The following MMP26 variants were observed in gnomAD, a reference collection of about 807,000 sequenced individuals.
MMP26 encodes the protein matrix metallopeptidase 26.
A neutral mutation model predicts 31.0 loss-of-function variants in MMP26; 33 were observed. That is an observed-to-expected ratio of 1.06 (90% CI 0.81 to 1.42). The LOEUF (loss-of-function observed/expected upper bound fraction) is 1.42, where lower values mean the gene tolerates loss of function less well. Among genes scored for constraint, MMP26 ranks in the 40% most tolerant of loss-of-function variants. The pLI, the probability that MMP26 is intolerant of heterozygous loss-of-function variation, is 0.00. For missense variants in MMP26, 347 were observed against 316.1 expected, an observed-to-expected ratio of 1.10 and a Z score of -0.74; for synonymous variants, 122 against 114.9, an observed-to-expected ratio of 1.06 and a Z score of -0.40.
intron 2 of MMP26, among the ~76,000 whole-genome samples, chr11:4,976,570 A>G (rs553826507): frequency 1.3e-5 from 2 of 152,122 alleles, no homozygotes; most frequent in South Asian, 2.1e-4. Flanking sequence ...AATCCCGGCT[A>G]TTAGGCCCAT....
At chr11:4,890,267 T>G (rs1410199507) in intron 2 of MMP26, 1 of 153,840 alleles carries the variant, frequency 6.5e-6, no homozygotes, top group African/African-American at 2.4e-5. Context: ...ACTCCATATC[T>G]GTGAATCCAT....
At chr11:4,908,405 A>C in intron 2 of MMP26, 1 of 1,016,862 alleles carries the variant, frequency 9.8e-7, no homozygotes, top group Non-Finnish European at 1.5e-6. Context: ...GAAGGACTGG[A>C]TGATGGAAGT....
At chr11:4,953,743 T>C (rs1263959263) in intron 2 of MMP26, among the ~76,000 whole-genome samples, 2 of 125,170 alleles carry the variant, frequency 1.6e-5, no homozygotes, top group Non-Finnish European at 1.8e-5. Context: ...CCAGCTCATG[T>C]AGGGTCTCGG....
At chr11:4,827,073 G>T (rs955077425) in intron 2 of MMP26, among the ~76,000 whole-genome samples, 1 of 152,098 alleles carries the variant, frequency 6.6e-6, no homozygotes, top group Non-Finnish European at 1.5e-5. Flanking sequence ...CATGGCACGC[G>T]CCTAGGTTGA....
intron 2 of MMP26, among the ~76,000 whole-genome samples, chr11:4,811,913 C>A (rs1257527824): frequency 1.3e-5 from 2 of 152,106 alleles, no homozygotes; most frequent in African/African-American, 4.8e-5. Context: ...CCCAGAGGCC[C>A]CTCATCATTT....
chr11:4,876,381 C>T (rs1404417531), intron 2 of MMP26: 1 of 152,178 alleles, frequency 6.6e-6, no homozygotes, highest in Non-Finnish European at 1.5e-5. Context: ...ATTCTCGCTT[C>T]ATGAAGCAGG....
intron 2 of MMP26, among the ~76,000 whole-genome samples, chr11:4,798,503 C>T (rs753562192): frequency 1.3e-5 from 2 of 152,342 alleles, no homozygotes; most frequent in Non-Finnish European, 1.5e-5. Flanking sequence ...TCTTTACTGA[C>T]ATGCCTCTAC....
At chr11:4,777,322 A>C (rs1248858988) in intron 2 of MMP26, among the ~76,000 whole-genome samples, 1 of 152,312 alleles carries the variant, frequency 6.6e-6, no homozygotes, top group South Asian at 2.1e-4. Context: ...ATAGATAATG[A>C]GTATCAGAGG....
chr11:4,730,490 T>C (rs1022981003), intron 1 of MMP26, among the ~76,000 whole-genome samples: 1 of 151,786 alleles, frequency 6.6e-6, no homozygotes, highest in Non-Finnish European at 1.5e-5. Context: ...GGAGCCCTAT[T>C]TGCTGCTGCT....
At chr11:4,823,262 A>G (rs4910688) in intron 2 of MMP26, among the ~76,000 whole-genome samples, 15,816 of 152,196 alleles carry the variant, frequency 0.1, 1,019 homozygotes, top group Middle Eastern at 0.17. Flanking sequence ...GTGTGCTTCA[A>G]TAGCACATCA....
intron 2 of MMP26, chr11:4,822,475 A>C: frequency 8.7e-7 from 1 of 1,148,962 alleles, no homozygotes; most frequent in Non-Finnish European, 1.1e-6. Flanking sequence ...AACAGTCCAA[A>C]CTAAGCAATT....
intron 1 of MMP26, chr11:4,709,658 C>T (rs1847831686): frequency 4.4e-6 from 2 of 457,506 alleles, no homozygotes; most frequent in Admixed American, 4.7e-5. Flanking sequence ...TCTGGACCTC[C>T]ATCCCATTCT....
chr11:4,742,440 G>A (rs529416457), intron 1 of MMP26, among the ~76,000 whole-genome samples: 6 of 152,258 alleles, frequency 3.9e-5, no homozygotes, highest in African/African-American at 1.4e-4. Context: ...TGGGCATGAG[G>A]GGAGGGGTAT....
At chr11:4,881,608 C>G (rs1850463786) in intron 2 of MMP26, among the ~76,000 whole-genome samples, 1 of 152,016 alleles carries the variant, frequency 6.6e-6, no homozygotes, top group African/African-American at 2.4e-5. Flanking sequence ...TTACAACATT[C>G]AGCTATCCAA....
intron 2 of MMP26, among the ~76,000 whole-genome samples, chr11:4,904,954 T>A (rs965758786): frequency 5.9e-5 from 9 of 152,068 alleles, no homozygotes; most frequent in African/African-American, 2.2e-4. Flanking sequence ...TGGAGTTTGG[T>A]AGGGTAGGGT....
chr11:4,931,929 G>T (rs1375706411), intron 2 of MMP26, among the ~76,000 whole-genome samples: 1 of 152,004 alleles, frequency 6.6e-6, no homozygotes, highest in Non-Finnish European at 1.5e-5. Context: ...GGAGACTAAA[G>T]AAGCTAGCAC....
intron 2 of MMP26, chr11:4,946,298 T>C: frequency 5.0e-6 from 8 of 1,613,718 alleles, no homozygotes; most frequent in Non-Finnish European, 6.8e-6. Flanking sequence ...GGGAGAGACA[T>C]GCCGGGCAAA....
At position 4,989,776 on chromosome 11, in the gene MMP26, G is replaced by A; in HGVS notation, c.228G>A (p.Leu76=). The change falls in exon 4 of 8, where the codon CTG becomes CTA. Residue 76 remains leucine, a synonymous_variant. Coordinates refer to ENST00000380390, the MANE Select transcript of MMP26 (RefSeq NM_021801.5). Reference sequence around the variant, plus strand: ...TACTTGACATGCAGATGCATGCTCTGCTACACCAGCCCCACTGTGGGGTGC... The same window carrying A: ...TACTTGACATGCAGATGCATGCTCTACTACACCAGCCCCACTGTGGGGTGC... The part of the protein sequence containing the change: ...TDLLDMQMHA[L]LHQPHCGVPD... 1 of 1,613,882 alleles carries A rather than the reference G, an allele frequency of 6.2e-7. No individual in the cohort carries two copies. Among genetic ancestry groups the A allele is most frequent in the Non-Finnish European group, 8.5e-7 (1 of 1,180,012 alleles).
At chr11:4,899,378 A>C (rs16907093) in intron 2 of MMP26, among the ~76,000 whole-genome samples, 3,633 of 152,268 alleles carry the variant, frequency 0.024, 125 homozygotes, top group South Asian at 0.18. Flanking sequence ...ACATCACTTA[A>C]GCTGTTCTTG....
Sources: gnomAD v4.1 joint callset for allele counts (sites outside exome capture counted in the v4.1 genomes callset) on GRCh38, gnomAD v4.1.1 for gene constraint, MANE v1.5 for transcripts, NCBI Gene and HGNC (gene_info 2026-07-23, HGNC 2026-07-21) for gene names.